Variants in ZNF469 observed in about 807,000 individuals in gnomAD.
ZNF469 encodes the protein zinc finger protein 469.
ZNF469 carries 1 observed loss-of-function variant against 1.0 expected under a neutral mutation model. That is an observed-to-expected ratio of 1.00 (90% CI 0.35 to 4.73). ZNF469 has a LOEUF of 4.73. Ranked by LOEUF, ZNF469 falls within the 30% of genes most tolerant of loss-of-function variation. The pLI, the probability that ZNF469 is intolerant of heterozygous loss-of-function variation, is 0.16. For synonymous variants in ZNF469, 2,703 were observed against 2,363.4 expected (o/e 1.14, Z -4.17); for missense variants, 6,100 against 5,356.3 (o/e 1.14, Z -4.33).
chr16:88,143,140 G>C, the ZNF469 span, among the ~76,000 whole-genome samples: 2 of 151,376 alleles, frequency 1.3e-5, no homozygotes, highest in African/African-American at 4.9e-5. Context: ...CTGGGGGGGT[G>C]GGGGGCTCAG....
chr16:88,329,841 C>T, the ZNF469 span, among the ~76,000 whole-genome samples: 1 of 152,230 alleles, frequency 6.6e-6, no homozygotes, highest in African/African-American at 2.4e-5. Flanking sequence ...CTTCACAAGG[C>T]CTCACCCACC....
chr16:88,367,305 G>A, the ZNF469 span, among the ~76,000 whole-genome samples: 2 of 152,248 alleles, frequency 1.3e-5, no homozygotes, highest in Non-Finnish European at 2.9e-5. Context: ...TTCAAGGCAA[G>A]TATTCCAAGC....
chr16:88,419,157 A>G (rs889238143), intron 1 of ZNF469, among the ~76,000 whole-genome samples: 3 of 152,200 alleles, frequency 2.0e-5, no homozygotes, highest in African/African-American at 4.8e-5. Flanking sequence ...CACACATGGC[A>G]TCTGGCTTTG....
At chr16:88,208,795 ACACACACACT>A in the ZNF469 span, among the ~76,000 whole-genome samples, 1 of 38,170 alleles carries the variant, frequency 2.6e-5, no homozygotes, top group African/African-American at 5.6e-5. Context: ...ACACACACAC[ACACACACACT>A]CTCTCTCTCT....
chr16:88,431,616 G>C lies in ZNF469; in HGVS notation c.4146G>C (p.Glu1382Asp), dbSNP rs1432932434. The C allele has an allele frequency of 1.3e-6, 2 of 1,550,486 alleles. No individual in the cohort carries two copies. The highest frequency in any genetic ancestry group is 3.9e-5 in the Admixed American group (2 of 51,006). ...AGCCCTACAGCAGCCCCCACAGTGA[G>C]TTGTTCCTCGGACCCAAAGACCTGG... is the stretch of plus-strand genomic sequence containing the variant. The part of the protein sequence containing the change: ...GPQPYSSPHS[E>D]LFLGPKDLAG... The change falls in exon 3 of 3, where the codon GAG becomes GAC. Residue 1382 changes from glutamate (E) to aspartate (D), a missense_variant. Coordinates refer to ENST00000565624, the MANE Select transcript of ZNF469 (RefSeq NM_001367624.2).
chr16:88,411,322 C>T (rs1450776156), intron 1 of ZNF469, among the ~76,000 whole-genome samples: 4 of 152,018 alleles, frequency 2.6e-5, no homozygotes, highest in Non-Finnish European at 5.9e-5. Flanking sequence ...GCATCTGGGC[C>T]GAGGCCTCCA....
At chr16:88,264,211 G>A in the ZNF469 span, among the ~76,000 whole-genome samples, 1 of 152,070 alleles carries the variant, frequency 6.6e-6, no homozygotes, top group Non-Finnish European at 1.5e-5. Context: ...TTGCTTCCAG[G>A]AGGAGCTTGT....
At position 88,398,650 on chromosome 16, in the gene ZNF469, G is replaced by GA. The variant is rs1306595690; in HGVS notation, c.-192+15396_-192+15397insA. Reference sequence around the variant, plus strand: ...GGACATATGAGCCACAGATGAAGGGGGGGTGTGAGCCACAGATGAGGGGAC... The same window carrying GA: ...GGACATATGAGCCACAGATGAAGGGGAGGGTGTGAGCCACAGATGAGGGGAC... On this transcript the variant is annotated intron_variant, in intron 1 of 2. Transcript: ENST00000565624. Among the ~76,000 whole-genome samples, 3 of 151,208 alleles carry GA rather than the reference G, an allele frequency of 2.0e-5. No homozygotes were observed. In the East Asian group the frequency reaches 5.8e-4, roughly 29 times the overall value.
chr16:88,183,679 C>G, the ZNF469 span, among the ~76,000 whole-genome samples: 2 of 152,146 alleles, frequency 1.3e-5, no homozygotes, highest in Admixed American at 1.3e-4. Context: ...GCAGAAGTGC[C>G]CCACTCTGGA....
chr16:88,216,493 CA>C, the ZNF469 span, among the ~76,000 whole-genome samples: 45,365 of 136,486 alleles, frequency 0.33, 7,131 homozygotes, highest in South Asian at 0.35. Context: ...GACTCCGTCT[CA>C]AAAAAAAAAA....
the ZNF469 span, among the ~76,000 whole-genome samples, chr16:88,133,907 A>G: frequency 6.6e-6 from 1 of 152,196 alleles, no homozygotes; most frequent in African/African-American, 2.4e-5. Context: ...CAGCCTGGCC[A>G]ACATGGTGAA....
chr16:88,188,629 G>A, the ZNF469 span, among the ~76,000 whole-genome samples: 1 of 152,164 alleles, frequency 6.6e-6, no homozygotes, highest in Non-Finnish European at 1.5e-5. Context: ...AGGAGGTCTG[G>A]GATGCCCCAG....
At chr16:88,355,453 C>G in the ZNF469 span, among the ~76,000 whole-genome samples, 1 of 152,252 alleles carries the variant, frequency 6.6e-6, no homozygotes, top group Non-Finnish European at 1.5e-5. Flanking sequence ...CCCGCTGGAC[C>G]CTTACCTGGC....
At chr16:88,227,272 G>C in the ZNF469 span, among the ~76,000 whole-genome samples, 2 of 152,188 alleles carry the variant, frequency 1.3e-5, no homozygotes, top group East Asian at 3.9e-4. Flanking sequence ...CCAGGGCCGG[G>C]AACAGTGTCT....
the ZNF469 span, among the ~76,000 whole-genome samples, chr16:88,192,462 A>G: frequency 6.6e-6 from 1 of 152,322 alleles, no homozygotes; most frequent in Non-Finnish European, 1.5e-5. Context: ...GGAAAAGAAA[A>G]TGGGAGGTCC....
At chr16:88,272,820 G>A in the ZNF469 span, among the ~76,000 whole-genome samples, 1 of 151,000 alleles carries the variant, frequency 6.6e-6, no homozygotes, top group African/African-American at 2.5e-5. Flanking sequence ...GTGGGCAGAT[G>A]GATGAACAGG....
At chr16:88,201,493 T>G in the ZNF469 span, among the ~76,000 whole-genome samples, 1 of 151,998 alleles carries the variant, frequency 6.6e-6, no homozygotes. This position sits in a 1 kb window ranked among gnomAD's most constrained non-coding sequence, Gnocchi z 5.0. Flanking sequence ...AGGTGGAGGT[T>G]GCAGTGAGCC....
chr16:88,412,344 G>A (rs1310004436), intron 1 of ZNF469, among the ~76,000 whole-genome samples: 4 of 151,976 alleles, frequency 2.6e-5, no homozygotes, highest in African/African-American at 7.3e-5. Flanking sequence ...CAGGCACCTC[G>A]CTTAACCTCT....
chr16:88,439,035 C>A lies in ZNF469; in HGVS notation c.11565C>A (p.Ser3855Arg). The change falls in exon 3 of 3, where the codon AGC (serine) becomes AGA (arginine). Residue 3855 changes from serine to arginine, a missense_variant. Physicochemically the swap from Ser to Arg is moderately radical, Grantham distance 110 (BLOSUM62 -1). Transcript: ENST00000565624. The stretch of plus-strand genomic sequence containing the variant: ...CCCCTCGGAAGCAGGCAACTCCCAG[C>A]CGCGTGCTCCCGACCAAGCCCAAGC... ...PRTPRKQATPSRVLPTKPKPN... is the reference protein window; with the variant it reads ...PRTPRKQATPRRVLPTKPKPN... The A allele has an allele frequency of 6.4e-7, 1 of 1,550,462 alleles. No individual in the cohort carries two copies. The highest frequency in any genetic ancestry group is 8.7e-7 in the Non-Finnish European group (1 of 1,146,974).
Sources: gnomAD v4.1 joint callset for allele counts (sites outside exome capture counted in the v4.1 genomes callset) on GRCh38, gnomAD v4.1.1 for gene constraint, Gnocchi (gnomAD v3.1) non-coding constraint, MANE v1.5 for transcripts, NCBI Gene and HGNC (gene_info 2026-07-23, HGNC 2026-07-21) for gene names.